Variants in PLCB1 observed in about 807,000 individuals in gnomAD.
PLCB1 encodes the protein phospholipase C beta 1.
PLCB1 carries 46 observed loss-of-function variants against 161.8 expected under a neutral mutation model. The ratio of observed to expected loss-of-function variants is 0.28; its 90% confidence interval spans 0.22 to 0.36. The LOEUF (loss-of-function observed/expected upper bound fraction) is 0.36. Among genes scored for constraint, PLCB1 ranks in the 10% least tolerant of loss-of-function variants. The probability of loss-of-function intolerance (pLI) is 1.00; values close to 1 mark genes in which losing one functional copy is unlikely to be tolerated. For missense variants in PLCB1, 1,016 were observed against 1,472.5 expected, an observed-to-expected ratio of 0.69 and a Z score of 5.07; for synonymous variants, 517 against 503.7, an observed-to-expected ratio of 1.03 and a Z score of -0.35.
chr20:8,658,524 T>G lies in PLCB1; in HGVS notation c.696-14T>G, dbSNP rs1284541115. The G allele has an allele frequency of 3.8e-6, 6 of 1,565,648 alleles. No homozygotes were observed. Among genetic ancestry groups the G allele is most frequent in the East Asian group, 2.3e-5 (1 of 43,768 alleles). On this transcript the variant is annotated splice_polypyrimidine_tract_variant and intron_variant, in intron 8 of 31. Coordinates refer to ENST00000338037, the MANE Select transcript of PLCB1 (RefSeq NM_015192.4). ...TTAAAAAATTCTTATTGCTTGGTTT[T>G]TCATTGTTTTTAGTGGTGCAAAAAG...
chr20:8,522,872 G>T (rs925192773), intron 3 of PLCB1, among the ~76,000 whole-genome samples: 3 of 147,850 alleles, frequency 2.0e-5, no homozygotes, highest in Non-Finnish European at 4.5e-5. Flanking sequence ...ATTTGTTGAG[G>T]CAAGAAAGTT....
rs1988428434 is a variant in PLCB1 at position 8,628,520 on chromosome 20, TC to T, written c.384+90del. The T allele has an allele frequency of 3.6e-6, 5 of 1,388,268 alleles. No individual in the cohort carries two copies. The East Asian group carries it at 1.2e-4, about 32-fold the overall frequency. The allele number at this position is 1,388,268 out of a possible 1,614,324, so 86.0% of individuals were successfully genotyped here. A position where few individuals can be genotyped will look rare whatever the true frequency, so the allele number is the denominator to read the frequency against. ...ATGCCTGCAAAAGACTGAATTTTTG[TC>T]ATATTTAGCATGTGTTAAAATTTCA... On this transcript the variant is annotated intron_variant, in intron 4 of 31. Coordinates refer to ENST00000338037, the MANE Select transcript of PLCB1 (RefSeq NM_015192.4).
At chr20:8,850,190 T>C (rs948837696) in intron 31 of PLCB1, among the ~76,000 whole-genome samples, 14 of 152,218 alleles carry the variant, frequency 9.2e-5, no homozygotes, top group African/African-American at 3.4e-4. Flanking sequence ...TGAATATTAA[T>C]GTCTGTCATA....
At chr20:8,829,252 A>C (rs1985864415) in intron 31 of PLCB1, among the ~76,000 whole-genome samples, 1 of 152,156 alleles carries the variant, frequency 6.6e-6, no homozygotes, top group Non-Finnish European at 1.5e-5. Context: ...ATCATCAGGA[A>C]AAGTCCGTGA....
chr20:8,199,048 A>T (rs1351089092), intron 2 of PLCB1, among the ~76,000 whole-genome samples: 1 of 152,052 alleles, frequency 6.6e-6, no homozygotes, highest in Non-Finnish European at 1.5e-5. Flanking sequence ...ATGTGGCTAT[A>T]CATAATTATT....
chr20:8,181,248 C>CAAAAAA (rs60871672), intron 2 of PLCB1, among the ~76,000 whole-genome samples: 33 of 80,902 alleles, frequency 4.1e-4, no homozygotes, highest in Non-Finnish European at 5.1e-4. Context: ...GACTCTGTCT[C>CAAAAAA]AAAAAAAAAA....
In PLCB1 at chr20:8,788,463, G is replaced by T; in HGVS notation, c.3126G>T (p.Leu1042Phe). The T allele has an allele frequency of 6.2e-7, 1 of 1,613,240 alleles. No individual in the cohort carries two copies. The highest frequency in any genetic ancestry group is 1.1e-5 in the South Asian group (1 of 90,690). ...TCTTTTTCCAGCTTATTCAAAAGTTGACGGATGTCGCAGAAGAGTGTCAGA... is the reference window on the plus strand; with the variant it reads ...TCTTTTTCCAGCTTATTCAAAAGTTTACGGATGTCGCAGAAGAGTGTCAGA... ...REHIKLLIQK[L>F]TDVAEECQNN... Residue 1042 changes from leucine (L) to phenylalanine (F), a missense_variant, in exon 28 of 32, where the codon TTG (leucine) becomes TTT (phenylalanine). By Grantham distance (22) the Leu-to-Phe change is conservative (BLOSUM62 0). This residue lies in a region of PLCB1 where 398 missense variants were observed against 445.4 expected (regional missense o/e 0.89). Transcript: ENST00000338037.
chr20:8,699,199 G>A (rs897671766), intron 11 of PLCB1, among the ~76,000 whole-genome samples: 1 of 152,208 alleles, frequency 6.6e-6, no homozygotes, highest in Non-Finnish European at 1.5e-5. Context: ...TGTTGCCTGG[G>A]ATACCTGGGT....
intron 2 of PLCB1, chr20:8,248,893 G>A (rs948430768): frequency 1.3e-5 from 2 of 151,900 alleles, no homozygotes; most frequent in African/African-American, 4.8e-5. Flanking sequence ...TTAGTTTTCA[G>A]GCTATATAGG....
Position 8,821,537 on chromosome 20 carries a change from A to G in PLCB1, c.3423+31276A>G, listed in dbSNP as rs1242298040. 2.2e-4 allele frequency among the ~76,000 whole-genome samples: 21 copies of G among 96,098 alleles called. 1 individual carries two copies. The highest frequency in any genetic ancestry group is 9.5e-5 in the Non-Finnish European group (5 of 52,650). The allele number at this position is 96,098 out of a possible 152,430, so 63.0% of individuals were successfully genotyped here. On this transcript the variant is annotated intron_variant, in intron 31 of 31. Transcript: ENST00000338037. ...TATATATATATATATATATATATAT[A>G]TATATATATATATATATATATTTAA...
intron 31 of PLCB1, among the ~76,000 whole-genome samples, chr20:8,847,636 C>A (rs150321362): frequency 1.3e-5 from 2 of 152,312 alleles, no homozygotes; most frequent in East Asian, 3.9e-4. Flanking sequence ...AGACTGCCCC[C>A]ACTTCAGGTG....
intron 2 of PLCB1, among the ~76,000 whole-genome samples, chr20:8,252,479 A>G (rs1477037813): frequency 6.6e-6 from 1 of 152,034 alleles, no homozygotes; most frequent in Non-Finnish European, 1.5e-5. Flanking sequence ...AAAAAGATGA[A>G]AAGTAGGTCA....
At chr20:8,259,771 G>C (rs2719787) in intron 2 of PLCB1, among the ~76,000 whole-genome samples, 48,113 of 151,996 alleles carry the variant, frequency 0.32, 7,798 homozygotes, top group East Asian at 0.44. Context: ...ATAATTTTCA[G>C]AATTAGTACA....
At chr20:8,648,951 AAAAG>A (rs201575623) in intron 6 of PLCB1, among the ~76,000 whole-genome samples, 19,466 of 150,792 alleles carry the variant, frequency 0.13, 1,496 homozygotes, top group Non-Finnish European at 0.17. Flanking sequence ...TAAAAAAAAA[AAAAG>A]AAAGAAAGAA....
intron 31 of PLCB1, among the ~76,000 whole-genome samples, chr20:8,852,869 C>T (rs1054763727): frequency 6.6e-6 from 1 of 152,214 alleles, no homozygotes; most frequent in African/African-American, 2.4e-5. Context: ...CCCTGGCTGG[C>T]TCCAGGTGTC....
chr20:8,792,597 G>T (rs1002756194), intron 31 of PLCB1: 1 of 471,156 alleles, frequency 2.1e-6, no homozygotes, highest in African/African-American at 2.0e-5. Flanking sequence ...GTACCATGAT[G>T]AATTCCTCTG....
chr20:8,191,327 AACAAC>A (rs1300870851), intron 2 of PLCB1, among the ~76,000 whole-genome samples: 14 of 152,034 alleles, frequency 9.2e-5, no homozygotes, highest in African/African-American at 3.4e-4. Context: ...CAAGACAATG[AACAAC>A]TATACATCCT....
In PLCB1 at chr20:8,760,408, T is replaced by A. The variant is rs1420202284; in HGVS notation, c.2658T>A (p.Gly886=). 1 of 1,596,380 alleles carries A rather than the reference T, an allele frequency of 6.3e-7. No homozygotes were observed. The highest frequency in any genetic ancestry group is 1.7e-5 in the Admixed American group (1 of 59,772). Residue 886 remains glycine (G), a splice_region_variant and synonymous_variant, in exon 25 of 32, where the codon GGT becomes GGA. Transcript: ENST00000338037. ...SQALHSQPAP[G]SVKAPAKTED... ...TTTATTTTATCTTTTATATTACAGG[T>A]TCTGTAAAGGCACCTGCCAAAACAG...
At chr20:8,609,016 T>C (rs1313778728) in intron 3 of PLCB1, among the ~76,000 whole-genome samples, 1 of 152,142 alleles carries the variant, frequency 6.6e-6, no homozygotes, top group Non-Finnish European at 1.5e-5. Flanking sequence ...CCCTAGGGCT[T>C]TCGGAGCTAA....
Sources: allele counts gnomAD v4.1 joint callset (sites outside exome capture counted in the v4.1 genomes callset), GRCh38; gene constraint gnomAD v4.1.1; regional missense constraint gnomAD v4.1.1; transcripts MANE v1.5; gene names NCBI Gene and HGNC (gene_info 2026-07-23, HGNC 2026-07-21).